GALNT13: variants seen among roughly 807,000 people sequenced by gnomAD.
The protein encoded by GALNT13 is polypeptide N-acetylgalactosaminyltransferase 13.
A neutral mutation model predicts 64.2 loss-of-function variants in GALNT13; 28 were observed. The observed-to-expected ratio is 0.44, with a 90% CI of 0.32 to 0.60. GALNT13 has a LOEUF of 0.60. GALNT13 is among the 20% of genes least tolerant of loss of function. The probability of loss-of-function intolerance (pLI) is 0.05; values close to 1 mark genes in which losing one functional copy is unlikely to be tolerated. For missense variants in GALNT13, 577 were observed against 669.8 expected (o/e 0.86, Z 1.53); for synonymous variants, 214 against 224.6 (o/e 0.95, Z 0.42).
the GALNT13 span, among the ~76,000 whole-genome samples, chr2:153,743,347 G>T: frequency 6.6e-6 from 1 of 152,030 alleles, no homozygotes; most frequent in African/African-American, 2.4e-5. Flanking sequence ...GAATAGTACT[G>T]CAATGAACGT....
chr2:153,191,919 T>A, the GALNT13 span, among the ~76,000 whole-genome samples: 1 of 151,992 alleles, frequency 6.6e-6, no homozygotes, highest in Middle Eastern at 3.2e-3. Flanking sequence ...TTTTTGTTTC[T>A]AATTTTATTT....
rs575260055 is a variant in GALNT13, at chr2:153,910,068, T to C, written c.-105+9061T>C. Among the ~76,000 whole-genome samples the C allele has an allele frequency of 4.9e-5, 7 of 142,116 alleles. No homozygotes were observed. The East Asian group carries it at 1.4e-3, about 28-fold the overall frequency. The allele number at this position is 142,116 out of a possible 152,430, so 93.2% of individuals were successfully genotyped here. On this transcript the variant is annotated intron_variant, in intron 2 of 12. Coordinates refer to ENST00000392825, the MANE Select transcript of GALNT13 (RefSeq NM_052917.4). ...TGAATCCTTCTGGCCCTGGCTAGGC[T>C]TTTTTTTTTTTGGTTGGTAGACTAT...
At chr2:154,327,282 C>T (rs772250815) in intron 9 of GALNT13, among the ~76,000 whole-genome samples, 9 of 152,056 alleles carry the variant, frequency 5.9e-5, no homozygotes, top group Non-Finnish European at 1.3e-4. Flanking sequence ...GCCCAGAATG[C>T]TGAACTGTGA....
At chr2:153,469,778 C>T in the GALNT13 span, among the ~76,000 whole-genome samples, 3 of 152,004 alleles carry the variant, frequency 2.0e-5, no homozygotes, top group African/African-American at 4.8e-5. Flanking sequence ...TGGAGAGTCA[C>T]AGAGCTTAAC....
At chr2:154,139,545 A>G (rs1683140840) in intron 3 of GALNT13, among the ~76,000 whole-genome samples, 1 of 151,736 alleles carries the variant, frequency 6.6e-6, no homozygotes, top group Non-Finnish European at 1.5e-5. Flanking sequence ...CTGAAGAGTA[A>G]CTTCAGGATG....
chr2:154,416,616 C>G (rs1382651611), intron 11 of GALNT13, among the ~76,000 whole-genome samples: 2 of 152,044 alleles, frequency 1.3e-5, no homozygotes, highest in African/African-American at 2.4e-5. Context: ...GGAAAATATC[C>G]AAAGAAAAGA....
intron 12 of GALNT13, among the ~76,000 whole-genome samples, 194 bp downstream of exon 12, chr2:154,438,920 T>TA (rs747742548): frequency 3.9e-5 from 6 of 152,140 alleles, no homozygotes; most frequent in Non-Finnish European, 7.4e-5. Context: ...TCCATTAATA[T>TA]AAAATATGAA....
At chr2:154,109,955 C>G (rs1448961392) in intron 3 of GALNT13, among the ~76,000 whole-genome samples, 1 of 151,858 alleles carries the variant, frequency 6.6e-6, no homozygotes, top group Admixed American at 6.6e-5. Context: ...TGTCCTTGTT[C>G]TGGCTTTAGT....
the GALNT13 span, among the ~76,000 whole-genome samples, chr2:153,699,074 A>C: frequency 6.6e-6 from 1 of 151,926 alleles, no homozygotes; most frequent in African/African-American, 2.4e-5. Flanking sequence ...AATTACAAAA[A>C]TTTTCCGGTC....
chr2:153,133,477 C>T, the GALNT13 span, among the ~76,000 whole-genome samples: 1 of 152,022 alleles, frequency 6.6e-6, no homozygotes, highest in African/African-American at 2.4e-5. Flanking sequence ...TCTTGCTTTG[C>T]TGTTTTTTTT....
At chr2:154,324,499 A>G (rs746577475) in intron 9 of GALNT13, among the ~76,000 whole-genome samples, 1 of 152,102 alleles carries the variant, frequency 6.6e-6, no homozygotes, top group Non-Finnish European at 1.5e-5. Flanking sequence ...TTAGTTGGCA[A>G]ATGCTACCTC....
the GALNT13 span, among the ~76,000 whole-genome samples, chr2:153,264,852 A>C: frequency 6.6e-6 from 1 of 152,306 alleles, no homozygotes; most frequent in African/African-American, 2.4e-5. Flanking sequence ...CTTAATACCT[A>C]GGTGATGGGT....
chr2:153,150,907 G>C, the GALNT13 span, among the ~76,000 whole-genome samples: 1 of 152,122 alleles, frequency 6.6e-6, no homozygotes, highest in East Asian at 1.9e-4. Flanking sequence ...CAGGTAGCAT[G>C]ATGCCTCCAG....
intron 3 of GALNT13, among the ~76,000 whole-genome samples, chr2:153,977,342 G>A (rs576204328): frequency 2.5e-4 from 38 of 152,282 alleles, no homozygotes; most frequent in African/African-American, 8.9e-4. Context: ...AAGGAAAGAG[G>A]TTTAATTGAC....
At chr2:153,510,307 T>A in the GALNT13 span, among the ~76,000 whole-genome samples, 2 of 152,188 alleles carry the variant, frequency 1.3e-5, no homozygotes, top group Non-Finnish European at 2.9e-5. Context: ...GGCCCTTTGA[T>A]ATTTTATTAC....
chr2:153,923,710 G>T, intron 2 of GALNT13, among the ~76,000 whole-genome samples: 1 of 117,678 alleles, frequency 8.5e-6, no homozygotes, highest in Non-Finnish European at 1.7e-5. Context: ...CCCACAACAG[G>T]CCCCCATGTG....
chr2:153,481,814 CA>C, the GALNT13 span, among the ~76,000 whole-genome samples: 64 of 152,144 alleles, frequency 4.2e-4, no homozygotes, highest in Admixed American at 7.8e-4. Flanking sequence ...TACTCAATGC[CA>C]AAAGATTTTT....
the GALNT13 span, among the ~76,000 whole-genome samples, chr2:153,308,876 G>A: frequency 2.0e-5 from 3 of 152,050 alleles, no homozygotes; most frequent in Non-Finnish European, 4.4e-5. Flanking sequence ...GTTTAAAGAG[G>A]CAGAAAATGG....
the GALNT13 span, among the ~76,000 whole-genome samples, chr2:153,621,901 T>C: frequency 2.0e-5 from 3 of 152,142 alleles, no homozygotes; most frequent in Admixed American, 6.6e-5. Context: ...TGGATAGTAA[T>C]ACAGAGTGAA....
Sources: allele counts gnomAD v4.1 joint callset (sites outside exome capture counted in the v4.1 genomes callset), GRCh38; gene constraint gnomAD v4.1.1; transcripts MANE v1.5; gene names NCBI Gene and HGNC (gene_info 2026-07-23, HGNC 2026-07-21).